The following RB1 variants were observed in gnomAD, a reference collection of about 807,000 sequenced individuals.
The protein encoded by RB1 is retinoblastoma-associated protein.
A neutral mutation model predicts 135.4 loss-of-function variants in RB1; 18 were observed. The observed-to-expected ratio is 0.13, with a 90% CI of 0.09 to 0.20. The LOEUF is 0.20. RB1 is among the 10% of genes least tolerant of loss of function. The pLI is 1.00. For synonymous variants in RB1, 365 were observed against 373.2 expected (o/e 0.98, Z 0.25); for missense variants, 868 against 1,110.0 (o/e 0.78, Z 3.10).
At chr13:48,456,772 C>T (rs1306355364) in intron 19 of RB1, among the ~76,000 whole-genome samples, 1 of 152,236 alleles carries the variant, frequency 6.6e-6, no homozygotes, top group Non-Finnish European at 1.5e-5. Flanking sequence ...GCGGGCAGCT[C>T]CAGGTGCTGG....
At position 48,405,937 on chromosome 13, in the gene RB1, A is replaced by G. The variant is rs543576023; in HGVS notation, c.1695+24494A>G. Among the ~76,000 whole-genome samples the G allele has an allele frequency of 2.6e-5, 4 of 152,216 alleles. No individual in the cohort carries two copies. The East Asian group carries it at 7.7e-4, about 29-fold the overall frequency. On this transcript the variant is annotated intron_variant, in intron 17 of 26. Coordinates refer to ENST00000267163, the MANE Select transcript of RB1 (RefSeq NM_000321.3). The stretch of plus-strand genomic sequence containing the variant: ...TTTTCATTTAACACTACCTTCTTGA[A>G]GTCATTCCATATCAATTTATAGAGA...
At chr13:48,385,935 G>A (rs771476513) in intron 17 of RB1, among the ~76,000 whole-genome samples, 4 of 151,780 alleles carry the variant, frequency 2.6e-5, no homozygotes, top group Non-Finnish European at 5.9e-5. Context: ...TAGGCCAGGT[G>A]TGTGGTGCAC....
chr13:48,475,078 G>C (rs1949495801), intron 24 of RB1, among the ~76,000 whole-genome samples: 1 of 151,834 alleles, frequency 6.6e-6, no homozygotes, highest in Non-Finnish European at 1.5e-5. Flanking sequence ...TTTCTATGTT[G>C]GCCAGATTGG....
intron 2 of RB1, among the ~76,000 whole-genome samples, chr13:48,315,288 T>C (rs558761330): frequency 1.7e-4 from 26 of 152,326 alleles, no homozygotes; most frequent in African/African-American, 5.8e-4. Flanking sequence ...TTTTATTCTT[T>C]ATTGTGGCTA....
chr13:48,345,810 T>G (rs1952488755), intron 4 of RB1, among the ~76,000 whole-genome samples: 1 of 152,274 alleles, frequency 6.6e-6, no homozygotes, highest in East Asian at 1.9e-4. Flanking sequence ...AATATGAAAG[T>G]TACAGTGTTA....
At chr13:48,444,141 C>T (rs1029081552) in intron 17 of RB1, among the ~76,000 whole-genome samples, 3 of 152,120 alleles carry the variant, frequency 2.0e-5, no homozygotes, top group African/African-American at 7.2e-5. Flanking sequence ...CCTAGGCCTC[C>T]AGAACTTCTG....
chr13:48,396,001 C>A (rs1434486609), intron 17 of RB1, among the ~76,000 whole-genome samples: 1 of 151,992 alleles, frequency 6.6e-6, no homozygotes, highest in Non-Finnish European at 1.5e-5. Context: ...TAAGAGAGGG[C>A]ACAAACAAAT....
intron 6 of RB1, among the ~76,000 whole-genome samples, chr13:48,350,749 G>C (rs955314249): frequency 2.0e-5 from 3 of 152,046 alleles, no homozygotes; most frequent in African/African-American, 7.2e-5. Context: ...CCTTCAAGTA[G>C]ACCCCAGTGC....
In RB1 at chr13:48,410,216, C is replaced by T. The variant is rs368025319; in HGVS notation, c.1695+28773C>T. Among the ~76,000 whole-genome samples, 29 of 152,272 alleles carry T rather than the reference C, an allele frequency of 1.9e-4. 1 individual carries two copies. The South Asian group carries it at 6.0e-3, about 32-fold the overall frequency. On this transcript the variant is annotated intron_variant, in intron 17 of 26. Coordinates refer to ENST00000267163, the MANE Select transcript of RB1 (RefSeq NM_000321.3). ...GCATTTTGGTCAATGACCGCATAAA[C>T]GATGGTGGTCTCATAAGATTATCAT...
At chr13:48,379,714 C>G (rs932643437) in intron 14 of RB1, 64 bp downstream of exon 14, 2 of 1,559,676 alleles carry the variant, frequency 1.3e-6, no homozygotes, top group African/African-American at 2.7e-5. Context: ...GCAATCCCAG[C>G]ACTTTGGGAG....
intron 2 of RB1, among the ~76,000 whole-genome samples, chr13:48,331,286 C>A (rs1297885909): frequency 6.6e-6 from 1 of 152,100 alleles, no homozygotes; most frequent in Non-Finnish European, 1.5e-5. Flanking sequence ...AGATATTAGG[C>A]AAGAAAAAGA....
chr13:48,444,000 T>C (rs1593522574), intron 17 of RB1, among the ~76,000 whole-genome samples: 1 of 152,112 alleles, frequency 6.6e-6, no homozygotes, highest in African/African-American at 2.4e-5. Context: ...TGGGTTTTTT[T>C]CCCCACACAC....
At chr13:48,445,926 G>T (rs917693158) in intron 17 of RB1, among the ~76,000 whole-genome samples, 4 of 152,042 alleles carry the variant, frequency 2.6e-5, no homozygotes, top group Non-Finnish European at 5.9e-5. Flanking sequence ...TATTTTTAGA[G>T]GATTTAGAGT....
intron 2 of RB1, among the ~76,000 whole-genome samples, chr13:48,331,329 T>A (rs999611463): frequency 6.6e-6 from 1 of 152,188 alleles, no homozygotes; most frequent in African/African-American, 2.4e-5. Context: ...TTGAATGTTT[T>A]CCCCCTCTAA....
intron 17 of RB1, chr13:48,411,363 TC>T: frequency 1.3e-6 from 2 of 1,572,842 alleles, no homozygotes; most frequent in Non-Finnish European, 8.7e-7. Flanking sequence ...GAAAGTTCTG[TC>T]CCAGTGAGTC....
chr13:48,477,756 G>C (rs1167609395), intron 26 of RB1, among the ~76,000 whole-genome samples: 1 of 152,130 alleles, frequency 6.6e-6, no homozygotes, highest in Non-Finnish European at 1.5e-5. Flanking sequence ...TATAAACCTA[G>C]CATATGTAAA....
At chr13:48,354,942 A>G (rs997572274) in intron 6 of RB1, among the ~76,000 whole-genome samples, 1 of 152,162 alleles carries the variant, frequency 6.6e-6, no homozygotes, top group African/African-American at 2.4e-5. Context: ...ACTTAAATCT[A>G]AGACCTTAAA....
At chr13:48,422,529 G>C (rs1307445474) in intron 17 of RB1, 1 of 152,106 alleles carries the variant, frequency 6.6e-6, no homozygotes, top group Non-Finnish European at 1.5e-5. Context: ...TTAAAAAATG[G>C]TGAAGACAAG....
intron 17 of RB1, among the ~76,000 whole-genome samples, chr13:48,402,831 T>C (rs1169064468): frequency 1.3e-5 from 2 of 152,188 alleles, no homozygotes; most frequent in African/African-American, 4.8e-5. Context: ...TAAAGTATAG[T>C]AATTTTTGTC....
Sources: gnomAD v4.1 joint callset for allele counts (sites outside exome capture counted in the v4.1 genomes callset) on GRCh38, gnomAD v4.1.1 for gene constraint, MANE v1.5 for transcripts, NCBI Gene and HGNC (gene_info 2026-07-23, HGNC 2026-07-21) for gene names.